Variants in PARD3B observed in about 807,000 individuals in gnomAD.
PARD3B encodes par-3 family cell polarity regulator beta.
In PARD3B, 103 loss-of-function variants were observed where a neutral mutation model predicts 130.2. The ratio of observed to expected loss-of-function variants is 0.79; its 90% CI spans 0.67 to 0.93. The LOEUF (loss-of-function observed/expected upper bound fraction) is 0.93. Among genes scored for constraint, PARD3B ranks in the 40% least tolerant of loss-of-function variants. PARD3B has a pLI of 0.00. For synonymous variants in PARD3B, 583 were observed against 553.2 expected, an observed-to-expected ratio of 1.05 and a Z score of -0.76; for missense variants, 1,609 against 1,499.2, an observed-to-expected ratio of 1.07 and a Z score of -1.21.
At chr2:204,774,160 T>C (rs2041511507) in intron 2 of PARD3B, among the ~76,000 whole-genome samples, 1 of 151,956 alleles carries the variant, frequency 6.6e-6, no homozygotes, top group African/African-American at 2.4e-5. Flanking sequence ...CTTCCCTCAA[T>C]GACCCTGTCT....
At chr2:204,705,541 G>A (rs1315873951) in intron 2 of PARD3B, among the ~76,000 whole-genome samples, 4 of 150,312 alleles carry the variant, frequency 2.7e-5, no homozygotes, top group Admixed American at 2.6e-4. Flanking sequence ...AATTTCCATA[G>A]CATGAAGTAC....
intron 5 of PARD3B, among the ~76,000 whole-genome samples, chr2:205,110,628 T>G (rs1414123273): frequency 1.7e-5 from 2 of 115,708 alleles, no homozygotes; most frequent in Non-Finnish European, 3.8e-5. Context: ...TTATTTTCTG[T>G]TTTTTGTTTT....
chr2:205,156,274 G>A lies in PARD3B; in HGVS notation c.1435-2448G>A, dbSNP rs7576139. On this transcript the variant is annotated intron_variant, in intron 10 of 22. Transcript: ENST00000406610. The stretch of plus-strand genomic sequence containing the variant: ...CTGGGGACTGTTGTGGGGTGGGCGG[G>A]GGGGGGAGGAATAGCATTAGGAGAT... Among the ~76,000 whole-genome samples the A allele has an allele frequency of 7.8e-4, 109 of 139,256 alleles. 3 individuals are homozygous for A. The highest frequency in any genetic ancestry group is 3.5e-3 in the Middle Eastern group (1 of 282). The allele number at this position is 139,256 out of a possible 152,430, so 91.4% of individuals were successfully genotyped here. A position where few individuals can be genotyped will look rare whatever the true frequency, so the allele number is the denominator to read the frequency against.
At chr2:204,846,211 A>G (rs2044456109) in intron 2 of PARD3B, among the ~76,000 whole-genome samples, 1 of 152,142 alleles carries the variant, frequency 6.6e-6, no homozygotes. Flanking sequence ...GATTGGTAAA[A>G]TGGATAAGGA....
Position 204,998,360 on chromosome 2 carries a change from GTGTGTGTGTGTGTGTATA to G in PARD3B, c.394+33039_394+33056del, listed in dbSNP as rs1559341489. On this transcript the variant is annotated intron_variant, in intron 3 of 22. Transcript: ENST00000406610. The stretch of plus-strand genomic sequence containing the variant: ...TATATATATATATATATATATATAT[GTGTGTGTGTGTGTGTATA>G]TATGTGTGTGTATATATGTATATAT... 9.6e-4 allele frequency among the ~76,000 whole-genome samples: 45 copies of G among 46,962 alleles called. 2 individuals carry two copies. Among genetic ancestry groups the G allele is most frequent in the African/African-American group, 3.8e-3 (36 of 9,512 alleles). 30.8% of individuals were successfully genotyped at this position (46,962 alleles called of 152,430 possible).
chr2:205,537,981 G>A (rs753062677), intron 21 of PARD3B, among the ~76,000 whole-genome samples: 5 of 152,086 alleles, frequency 3.3e-5, no homozygotes, highest in Non-Finnish European at 7.4e-5. Context: ...AGGATTACGT[G>A]TTTCTCTGCT....
At chr2:204,842,501 G>C (rs1320192132) in intron 2 of PARD3B, among the ~76,000 whole-genome samples, 1 of 152,012 alleles carries the variant, frequency 6.6e-6, no homozygotes, top group Non-Finnish European at 1.5e-5. Context: ...TATTATAAAA[G>C]GTAAGAGGAT....
intron 2 of PARD3B, among the ~76,000 whole-genome samples, chr2:204,787,961 C>G (rs2042068153): frequency 6.6e-6 from 1 of 152,192 alleles, no homozygotes; most frequent in Non-Finnish European, 1.5e-5. Flanking sequence ...TGATCATCAT[C>G]TCTGCACTTC....
chr2:205,100,988 A>C (rs1024023700), intron 4 of PARD3B, among the ~76,000 whole-genome samples: 3 of 152,184 alleles, frequency 2.0e-5, no homozygotes, highest in Non-Finnish European at 4.4e-5. Flanking sequence ...AAATAAATAC[A>C]TTGGACTTCG....
At position 204,673,571 on chromosome 2, in the gene PARD3B, G is replaced by A. The variant is rs1179523966; in HGVS notation, c.121-12610G>A. Among the ~76,000 whole-genome samples the A allele has an allele frequency of 1.3e-5, 2 of 152,180 alleles. No individual in the cohort carries two copies. The highest frequency in any genetic ancestry group is 2.9e-5 in the Non-Finnish European group (2 of 68,028). ...TGCCCTGGGGCACAGCCATTTGTTA[G>A]AAGACCTGGCTCCCCACCTCCAGTC... On this transcript the variant is annotated intron_variant, in intron 1 of 22. Transcript: ENST00000406610. The surrounding 1 kb of genome is among the most constrained non-coding windows in gnomAD (Gnocchi z 4.7).
At chr2:204,679,303 T>C (rs1049063913) in intron 1 of PARD3B, among the ~76,000 whole-genome samples, 1 of 152,226 alleles carries the variant, frequency 6.6e-6, no homozygotes, top group Non-Finnish European at 1.5e-5. Context: ...GGATTTGATA[T>C]ATACCCAGAT....
chr2:205,035,838 TA>T (rs1252830137), intron 3 of PARD3B, among the ~76,000 whole-genome samples: 71 of 132,504 alleles, frequency 5.4e-4, no homozygotes, highest in African/African-American at 1.9e-3. Flanking sequence ...TCTATATATA[TA>T]TATATAGTGG....
intron 2 of PARD3B, among the ~76,000 whole-genome samples, chr2:204,729,998 AACACAC>A (rs3036396): frequency 0.016 from 2,212 of 141,434 alleles, 41 homozygotes; most frequent in African/African-American, 0.051. Flanking sequence ...CACACACACA[AACACAC>A]ACACACACAC....
chr2:205,499,009 G>C (rs2050052523), intron 20 of PARD3B, among the ~76,000 whole-genome samples: 1 of 152,116 alleles, frequency 6.6e-6, no homozygotes, highest in Non-Finnish European at 1.5e-5. Flanking sequence ...TCCATTCCCA[G>C]ATTTTAACGT....
Position 205,300,865 on chromosome 2 carries a change from T to A in PARD3B, c.2392+129T>A. 9.7e-7 allele frequency: 1 copy of A among 1,026,246 alleles called. No individual in the cohort carries two copies. Among genetic ancestry groups the A allele is most frequent in the Non-Finnish European group, 1.4e-6 (1 of 724,890 alleles). The allele number at this position is 1,026,246 out of a possible 1,614,324, so 63.6% of individuals were successfully genotyped here. A position where few individuals can be genotyped will look rare whatever the true frequency, so the allele number is the denominator to read the frequency against. ...ACAATTATATTTTTGATATTAAAAG[T>A]AATTCATTTTCCTGATATGTTTTGC... On this transcript the variant is annotated intron_variant, in intron 17 of 22. Transcript: ENST00000406610. This position sits in a 1 kb window ranked among gnomAD's most constrained non-coding sequence, Gnocchi z 4.1.
chr2:205,517,095 T>C (rs562120056), intron 21 of PARD3B, among the ~76,000 whole-genome samples: 32 of 152,142 alleles, frequency 2.1e-4, no homozygotes, highest in Non-Finnish European at 4.0e-4. Context: ...CGAATCAACC[T>C]TGCATCTCAA....
At chr2:204,826,483 T>G (rs1014411457) in intron 2 of PARD3B, among the ~76,000 whole-genome samples, 13 of 152,198 alleles carry the variant, frequency 8.5e-5, no homozygotes, top group Non-Finnish European at 1.5e-4. Context: ...AAAATGAGTC[T>G]GTTTTTATGT....
At chr2:204,970,512 G>T (rs79610254) in intron 3 of PARD3B, among the ~76,000 whole-genome samples, 2 of 152,106 alleles carry the variant, frequency 1.3e-5, no homozygotes, top group Non-Finnish European at 2.9e-5. Flanking sequence ...GGCCATGATG[G>T]TTCCTTGAGT....
intron 20 of PARD3B, among the ~76,000 whole-genome samples, chr2:205,468,341 G>A (rs1575096499): frequency 6.6e-6 from 1 of 152,306 alleles, no homozygotes; most frequent in East Asian, 1.9e-4. Context: ...AATCCTGAGA[G>A]GCAGTGCCTT....
Sources: allele counts gnomAD v4.1 joint callset (sites outside exome capture counted in the v4.1 genomes callset), GRCh38; gene constraint gnomAD v4.1.1; non-coding constraint Gnocchi (gnomAD v3.1); transcripts MANE v1.5; gene names NCBI Gene and HGNC (gene_info 2026-07-23, HGNC 2026-07-21).